Variants in ADARB1 observed in about 807,000 individuals in gnomAD.
The protein encoded by ADARB1 is adenosine deaminase RNA specific B1.
Under a neutral mutation model 52.4 loss-of-function variants are expected in ADARB1, and 10 were observed. That is an observed-to-expected ratio of 0.19 (90% CI 0.12 to 0.32). The LOEUF (loss-of-function observed/expected upper bound fraction) is 0.32, where lower values mean the gene tolerates loss of function less well. ADARB1 is among the 10% of genes least tolerant of loss of function. The probability of loss-of-function intolerance (pLI) is 1.00; values close to 1 mark genes in which losing one functional copy is unlikely to be tolerated. For missense variants in ADARB1, 643 were observed against 922.3 expected (o/e 0.70, Z 3.92); for synonymous variants, 349 against 371.1 (o/e 0.94, Z 0.68).
intron 8 of ADARB1, among the ~76,000 whole-genome samples, chr21:45,191,150 T>C (rs895207301): frequency 6.6e-6 from 1 of 152,206 alleles, no homozygotes; most frequent in Non-Finnish European, 1.5e-5. Flanking sequence ...CCAAACACCA[T>C]TGATTTTTTA....
intron 2 of ADARB1, among the ~76,000 whole-genome samples, chr21:45,155,763 C>G (rs866749720): frequency 2.9e-5 from 2 of 69,194 alleles, no homozygotes; most frequent in East Asian, 9.2e-4. Flanking sequence ...CATCCATCAT[C>G]CATTCATCCA....
At chr21:45,080,834 C>T (rs1253141850) in intron 1 of ADARB1, among the ~76,000 whole-genome samples, 2 of 152,192 alleles carry the variant, frequency 1.3e-5, no homozygotes, top group Non-Finnish European at 2.9e-5. Context: ...ACCAACCCTA[C>T]CCCCAGAGGA....
At chr21:45,181,291 C>T (rs528320456) in intron 5 of ADARB1, among the ~76,000 whole-genome samples, 1 of 152,208 alleles carries the variant, frequency 6.6e-6, no homozygotes, top group Non-Finnish European at 1.5e-5. Flanking sequence ...CTCTGCAGCC[C>T]TCTTCACTGA....
At chr21:45,143,079 T>G (rs563701500) in intron 2 of ADARB1, among the ~76,000 whole-genome samples, 2 of 152,350 alleles carry the variant, frequency 1.3e-5, no homozygotes, top group South Asian at 4.1e-4. Context: ...AGCAAATGCA[T>G]GTGTAGTGAT....
At chr21:45,126,743 T>G (rs908631105) in intron 1 of ADARB1, among the ~76,000 whole-genome samples, 1 of 152,098 alleles carries the variant, frequency 6.6e-6, no homozygotes. Context: ...TTGGTATGAG[T>G]GTACTCAAAT....
intron 2 of ADARB1, among the ~76,000 whole-genome samples, chr21:45,135,505 A>T (rs775874674): frequency 6.6e-6 from 1 of 152,248 alleles, no homozygotes; most frequent in Non-Finnish European, 1.5e-5. Context: ...CAGCAGGACC[A>T]CTGTGTGCTG....
chr21:45,184,646 T>G (rs1224365733), intron 7 of ADARB1: 20 of 335,670 alleles, frequency 6.0e-5, no homozygotes, highest in Non-Finnish European at 5.8e-6. Context: ...AGATGGGGTT[T>G]CACCATGTTG....
chr21:45,194,932 C>T (rs1601894641), intron 8 of ADARB1, among the ~76,000 whole-genome samples: 1 of 152,062 alleles, frequency 6.6e-6, no homozygotes, highest in African/African-American at 2.4e-5. Context: ...TGGGTAAGTA[C>T]CAAGGAGCAC....
intron 2 of ADARB1, chr21:45,146,301 C>T (rs2090005135): frequency 6.6e-6 from 1 of 152,216 alleles, no homozygotes; most frequent in African/African-American, 2.4e-5. Flanking sequence ...TTATGGCTTG[C>T]TATACAAGTT....
intron 1 of ADARB1, among the ~76,000 whole-genome samples, chr21:45,121,927 C>T (rs2088216462): frequency 6.6e-6 from 1 of 152,150 alleles, no homozygotes; most frequent in Non-Finnish European, 1.5e-5. Flanking sequence ...ACTTTTTGTT[C>T]CCCATTGTTG....
At chr21:45,205,421 T>C (rs1254259324) in intron 9 of ADARB1, among the ~76,000 whole-genome samples, 1 of 152,230 alleles carries the variant, frequency 6.6e-6, no homozygotes, top group African/African-American at 2.4e-5. Context: ...AGCATTGGCT[T>C]TCCCAGACTA....
chr21:45,133,989 T>G (rs1417189229), intron 2 of ADARB1, among the ~76,000 whole-genome samples: 8 of 86,112 alleles, frequency 9.3e-5, no homozygotes, highest in African/African-American at 3.3e-4. Context: ...TGTGCCCGAC[T>G]GGTGTGTGCG....
chr21:45,192,236 A>G (rs1306096372), intron 8 of ADARB1, among the ~76,000 whole-genome samples: 2 of 152,200 alleles, frequency 1.3e-5, no homozygotes, highest in Non-Finnish European at 2.9e-5. Flanking sequence ...TAGAGCTACA[A>G]TAATTTCTGT....
chr21:45,204,852 G>T lies in ADARB1; in HGVS notation c.1747+116G>T. 8.5e-7 allele frequency: 1 copy of T among 1,181,912 alleles called. No homozygotes were observed. Among genetic ancestry groups the T allele is most frequent in the Non-Finnish European group, 1.2e-6 (1 of 853,290 alleles). The allele number at this position is 1,181,912 out of a possible 1,614,324, so 73.2% of individuals were successfully genotyped here. A position where few individuals can be genotyped will look rare whatever the true frequency, so the allele number is the denominator to read the frequency against. ...CTCTGTGGCTATCAAAAGAACATCA[G>T]AGTCCTTCTAAAGAGACCCAAGGTG... is the stretch of plus-strand genomic sequence containing the variant. On this transcript the variant is annotated intron_variant, in intron 9 of 10. Transcript: ENST00000348831. The surrounding 1 kb of genome is among the most constrained non-coding windows in gnomAD (Gnocchi z 4.4).
chr21:45,201,959 T>C (rs2092563800), intron 8 of ADARB1, among the ~76,000 whole-genome samples: 1 of 152,046 alleles, frequency 6.6e-6, no homozygotes, highest in Non-Finnish European at 1.5e-5. Flanking sequence ...ACAGAAGCTT[T>C]GGGCAAGCAG....
At chr21:45,164,678 G>A (rs2091167458) in intron 2 of ADARB1, among the ~76,000 whole-genome samples, 1 of 152,148 alleles carries the variant, frequency 6.6e-6, no homozygotes, top group South Asian at 2.1e-4. Flanking sequence ...TGGGCATAGC[G>A]AAGGGCTGAC....
At chr21:45,155,230 T>C (rs896029377) in intron 2 of ADARB1, among the ~76,000 whole-genome samples, 2 of 152,168 alleles carry the variant, frequency 1.3e-5, no homozygotes, top group African/African-American at 4.8e-5. Flanking sequence ...TGGGGACCTC[T>C]GTGGAGCTGG....
At position 45,200,513 on chromosome 21, in the gene ADARB1, T is replaced by C. The variant is rs1244580260; in HGVS notation, c.1566-4042T>C. Among the ~76,000 whole-genome samples, 1 of 152,088 alleles carries C rather than the reference T, an allele frequency of 6.6e-6. No homozygotes were observed. Among genetic ancestry groups the C allele is most frequent in the African/African-American group, 2.4e-5 (1 of 41,406 alleles). ...AGCAGCCTGTCTATTCAGAGTCGGC[T>C]ATGGCAAGGGGGCCAGAGCACTGTG... On this transcript the variant is annotated intron_variant, in intron 8 of 10. Coordinates refer to ENST00000348831, the MANE Select transcript of ADARB1 (RefSeq NM_001112.4). The surrounding 1 kb of genome is among the most constrained non-coding windows in gnomAD (Gnocchi z 5.0).
intron 9 of ADARB1, among the ~76,000 whole-genome samples, chr21:45,210,977 C>G (rs1602008727): frequency 6.6e-6 from 1 of 152,268 alleles, no homozygotes; most frequent in African/African-American, 2.4e-5. Context: ...CCTTCCACAG[C>G]TGGTGTTCTA....
Sources: gnomAD v4.1 joint callset for allele counts (sites outside exome capture counted in the v4.1 genomes callset) on GRCh38, gnomAD v4.1.1 for gene constraint, Gnocchi (gnomAD v3.1) non-coding constraint, MANE v1.5 for transcripts, NCBI Gene and HGNC (gene_info 2026-07-23, HGNC 2026-07-21) for gene names.